Variants in RSPH14 observed in about 807,000 individuals in gnomAD.
The protein encoded by RSPH14 is radial spoke head 14 homolog.
In RSPH14, 20 loss-of-function variants were observed where a neutral mutation model predicts 26.7. The observed-to-expected ratio is 0.75, with a 90% confidence interval of 0.53 to 1.09. The LOEUF (loss-of-function observed/expected upper bound fraction) is 1.09. RSPH14 is among the 50% of genes least tolerant of loss of function. The probability of loss-of-function intolerance (pLI) is 0.00; values close to 1 mark genes in which losing one functional copy is unlikely to be tolerated. For synonymous variants in RSPH14, 177 were observed against 189.3 expected, an observed-to-expected ratio of 0.93 and a Z score of 0.53; for missense variants, 449 against 457.2, an observed-to-expected ratio of 0.98 and a Z score of 0.16.
the RSPH14 span, among the ~76,000 whole-genome samples, chr22:23,179,188 G>A: frequency 6.6e-6 from 1 of 152,174 alleles, no homozygotes; most frequent in East Asian, 1.9e-4. Flanking sequence ...GCATTGGGAG[G>A]AGGGCATGAT....
the RSPH14 span, among the ~76,000 whole-genome samples, chr22:23,159,824 C>T: frequency 2.0e-5 from 3 of 152,260 alleles, no homozygotes; most frequent in Non-Finnish European, 4.4e-5. Context: ...GGGTCTACCC[C>T]TGGCCATACT....
chr22:23,133,303 G>A (rs1332105414), intron 4 of RSPH14, among the ~76,000 whole-genome samples: 1 of 152,156 alleles, frequency 6.6e-6, no homozygotes, highest in Non-Finnish European at 1.5e-5. Context: ...CATCCCACAC[G>A]TAAATCTCAG....
At chr22:23,173,770 G>A in the RSPH14 span, among the ~76,000 whole-genome samples, 2 of 151,954 alleles carry the variant, frequency 1.3e-5, no homozygotes, top group African/African-American at 4.8e-5. Context: ...GCAGCAGCAC[G>A]ATCTTGGCTC....
chr22:23,059,632 T>C lies in RSPH14; in HGVS notation c.877A>G (p.Thr293Ala), dbSNP rs1410415984. The C allele has an allele frequency of 1.2e-6, 2 of 1,609,824 alleles. No individual in the cohort carries two copies. Among genetic ancestry groups the C allele is most frequent in the South Asian group, 1.1e-5 (1 of 90,882 alleles). ...SPMTIARLNA[T>A]KALTMLAEAP... ...TCTGCCAGCATGGTAAGGGCCTTGG[T>C]GGCATTCAGGCGCGCTATGGTCATG... The change falls in exon 7 of 7, where the codon ACC becomes GCC. Residue 293 changes from threonine to alanine, a missense_variant. Coordinates refer to ENST00000216036, the MANE Select transcript of RSPH14 (RefSeq NM_014433.3).
At chr22:23,097,218 C>T (rs2069150519) in intron 4 of RSPH14, among the ~76,000 whole-genome samples, 1 of 152,162 alleles carries the variant, frequency 6.6e-6, no homozygotes, top group South Asian at 2.1e-4. Flanking sequence ...GTTGTGGGTA[C>T]CCTGGGGCTA....
intron 4 of RSPH14, among the ~76,000 whole-genome samples, chr22:23,091,526 A>G (rs539648435): frequency 7.1e-4 from 105 of 148,154 alleles, no homozygotes; most frequent in African/African-American, 2.4e-3. Context: ...ACACACCGCA[A>G]TAGACCTACA....
chr22:23,151,542 G>A, the RSPH14 span, among the ~76,000 whole-genome samples: 1 of 152,132 alleles, frequency 6.6e-6, no homozygotes, highest in Non-Finnish European at 1.5e-5. Flanking sequence ...TGGTTGCTGT[G>A]ACCATTTGGC....
At chr22:23,123,245 G>C (rs1268518787) in intron 4 of RSPH14, 1 of 1,614,188 alleles carries the variant, frequency 6.2e-7, no homozygotes, top group Non-Finnish European at 8.5e-7. Flanking sequence ...ACAAGGGCCA[G>C]AACACGTACG....
At chr22:23,117,934 G>A (rs369689964) in intron 4 of RSPH14, among the ~76,000 whole-genome samples, 19 of 152,238 alleles carry the variant, frequency 1.2e-4, no homozygotes, top group African/African-American at 4.1e-4. Context: ...ACCTTGCCCC[G>A]GCCGCTGACC....
intron 4 of RSPH14, among the ~76,000 whole-genome samples, chr22:23,109,318 G>C (rs1218050415): frequency 6.6e-6 from 1 of 152,114 alleles, no homozygotes; most frequent in Non-Finnish European, 1.5e-5. Flanking sequence ...CAGAGGCCAG[G>C]GTGGGCCTGC....
intron 4 of RSPH14, chr22:23,096,392 C>G (rs199896240): frequency 1.2e-6 from 2 of 1,610,624 alleles, no homozygotes; most frequent in Non-Finnish European, 1.7e-6. Flanking sequence ...CGGCTACGAC[C>G]TGAAACTCTA....
chr22:23,085,696 C>T (rs1230150387), intron 4 of RSPH14, among the ~76,000 whole-genome samples: 1 of 152,192 alleles, frequency 6.6e-6, no homozygotes, highest in Non-Finnish European at 1.5e-5. Context: ...CCTGGTTGTC[C>T]CAGCTTGTCC....
At chr22:23,180,436 C>T in the RSPH14 span, 1 of 170,470 alleles carries the variant, frequency 5.9e-6, no homozygotes, top group African/African-American at 2.4e-5. Flanking sequence ...ACGGCGCGGC[C>T]CCTTTAAGAG....
intron 4 of RSPH14, among the ~76,000 whole-genome samples, chr22:23,100,272 T>C (rs1325721831): frequency 6.6e-6 from 1 of 152,216 alleles, no homozygotes; most frequent in Non-Finnish European, 1.5e-5. Flanking sequence ...GCCCTGTCTT[T>C]CTAGAGCTGG....
Position 23,060,174 on chromosome 22 carries a change from TA to T in RSPH14, c.791-457del, listed in dbSNP as rs369183540. On this transcript the variant is annotated intron_variant, in intron 6 of 6. Transcript: ENST00000216036. The stretch of plus-strand genomic sequence containing the variant: ...GTGACACACTGAGACACTGGCTCTT[TA>T]AAAAAAGTAAGCCCAGCTGGGCGCG... Among the ~76,000 whole-genome samples, 907 of 151,982 alleles carry T rather than the reference TA, an allele frequency of 6.0e-3. 9 individuals carry two copies. The highest frequency in any genetic ancestry group is 0.021 in the African/African-American group (851 of 41,450).
intron 4 of RSPH14, among the ~76,000 whole-genome samples, chr22:23,105,615 T>C (rs1289926770): frequency 6.6e-6 from 1 of 152,230 alleles, no homozygotes; most frequent in South Asian, 2.1e-4. Flanking sequence ...CCTCTGGAGC[T>C]GAAACTAGGA....
At chr22:23,162,191 T>G in the RSPH14 span, 1 of 179,842 alleles carries the variant, frequency 5.6e-6, no homozygotes, top group Non-Finnish European at 1.2e-5. Context: ...GGACAAAATG[T>G]CTCTTAGACC....
intron 4 of RSPH14, 36 bp from the exon 5 acceptor site, chr22:23,064,169 C>T (rs1159904863): frequency 1.3e-6 from 2 of 1,585,906 alleles, no homozygotes; most frequent in African/African-American, 1.3e-5. Context: ...GGCGGGCTGG[C>T]CACACACCCA....
chr22:23,145,185 G>GA, upstream of RSPH14: 3 of 620,728 alleles, frequency 4.8e-6, no homozygotes, highest in Non-Finnish European at 8.4e-6. Context: ...GAACCTGCGC[G>GA]AATCTCTCCA....
Sources: allele counts gnomAD v4.1 joint callset (sites outside exome capture counted in the v4.1 genomes callset), GRCh38; gene constraint gnomAD v4.1.1; transcripts MANE v1.5; gene names NCBI Gene and HGNC (gene_info 2026-07-23, HGNC 2026-07-21).